CACNA2D3: variants seen among roughly 807,000 people sequenced by gnomAD.
CACNA2D3 encodes calcium voltage-gated channel auxiliary subunit alpha2delta 3, also known as voltage-dependent calcium channel subunit alpha-2/delta-3.
CACNA2D3 carries 60 observed loss-of-function variants against 160.6 expected under a neutral mutation model. The ratio of observed to expected loss-of-function variants is 0.37; its 90% CI spans 0.30 to 0.46. The LOEUF is 0.46. CACNA2D3 is among the 20% of genes least tolerant of loss of function. CACNA2D3 has a pLI of 1.00. For missense variants in CACNA2D3, 1,205 were observed against 1,365.0 expected (o/e 0.88, Z 1.85); for synonymous variants, 558 against 492.9 (o/e 1.13, Z -1.75).
intron 27 of CACNA2D3, chr3:54,924,554 A>G: frequency 1.5e-6 from 2 of 1,311,606 alleles, no homozygotes; most frequent in Non-Finnish European, 2.2e-6. Context: ...TAATGCAGAG[A>G]ACAGATGAGA....
intron 2 of CACNA2D3, among the ~76,000 whole-genome samples, chr3:54,192,991 C>G (rs1380778444): frequency 6.6e-6 from 1 of 152,188 alleles, no homozygotes; most frequent in Non-Finnish European, 1.5e-5. Flanking sequence ...GTCTTTTCCC[C>G]CATACCTGGG....
At chr3:54,938,827 T>C (rs1231325179) in intron 27 of CACNA2D3, among the ~76,000 whole-genome samples, 2 of 152,186 alleles carry the variant, frequency 1.3e-5, no homozygotes, top group African/African-American at 4.8e-5. Context: ...AGAAATATGA[T>C]TCTAGAAAAG....
intron 35 of CACNA2D3, among the ~76,000 whole-genome samples, chr3:55,055,923 C>T (rs1264386440): frequency 2.0e-5 from 3 of 151,874 alleles, no homozygotes; most frequent in Non-Finnish European, 2.9e-5. Flanking sequence ...AAAGCATAGG[C>T]AACAAAAGCA....
intron 3 of CACNA2D3, among the ~76,000 whole-genome samples, chr3:54,341,316 A>G (rs1357948687): frequency 6.6e-6 from 1 of 152,188 alleles, no homozygotes; most frequent in Admixed American, 6.5e-5. Flanking sequence ...TCATCCTGAT[A>G]GTAGAGCCTC....
chr3:54,362,909 A>G (rs79017404), intron 3 of CACNA2D3, among the ~76,000 whole-genome samples: 5,743 of 152,286 alleles, frequency 0.038, 388 homozygotes, highest in African/African-American at 0.13. Context: ...GAATATTACA[A>G]TGTGCAGCCA....
At chr3:54,692,709 A>G (rs1001045368) in intron 11 of CACNA2D3, among the ~76,000 whole-genome samples, 4 of 152,024 alleles carry the variant, frequency 2.6e-5, no homozygotes, top group Admixed American at 6.5e-5. Context: ...ACCTGTATCA[A>G]CTCACCAAAA....
intron 31 of CACNA2D3, among the ~76,000 whole-genome samples, chr3:54,991,278 A>G (rs1264331952): frequency 1.3e-5 from 2 of 148,900 alleles, no homozygotes; most frequent in Non-Finnish European, 3.0e-5. Flanking sequence ...GCTGGAGTGC[A>G]GTGGTACAAT....
chr3:54,296,512 C>G (rs9863855), intron 2 of CACNA2D3, among the ~76,000 whole-genome samples: 5 of 152,140 alleles, frequency 3.3e-5, no homozygotes, highest in Non-Finnish European at 5.9e-5. Context: ...TATTTTAAAT[C>G]ATCAAAACAG....
At chr3:54,392,737 C>A (rs1699302889) in intron 4 of CACNA2D3, among the ~76,000 whole-genome samples, 1 of 152,040 alleles carries the variant, frequency 6.6e-6, no homozygotes, top group Non-Finnish European at 1.5e-5. Context: ...CCGATACTTC[C>A]TAGAGCAGCT....
intron 2 of CACNA2D3, among the ~76,000 whole-genome samples, chr3:54,241,870 C>G (rs1701979861): frequency 6.6e-6 from 1 of 152,118 alleles, no homozygotes; most frequent in Non-Finnish European, 1.5e-5. Flanking sequence ...CTTCCTAAGC[C>G]TCAGTTTTTC....
chr3:54,809,772 C>G (rs1207859540), intron 13 of CACNA2D3, among the ~76,000 whole-genome samples: 1 of 147,264 alleles, frequency 6.8e-6, no homozygotes, highest in Non-Finnish European at 1.5e-5. Context: ...TTTTTTCTTT[C>G]TTTCCCATTT....
At chr3:54,921,748 T>C (rs970213549) in intron 27 of CACNA2D3, among the ~76,000 whole-genome samples, 7 of 152,198 alleles carry the variant, frequency 4.6e-5, no homozygotes, top group African/African-American at 1.7e-4. Context: ...AGGGGTCTTA[T>C]GTCCCTAAAT....
At chr3:54,230,576 G>A (rs192939595) in intron 2 of CACNA2D3, among the ~76,000 whole-genome samples, 6 of 152,284 alleles carry the variant, frequency 3.9e-5, no homozygotes, top group East Asian at 3.9e-4. Context: ...GATTCTAAAG[G>A]CAAACTCTGT....
intron 35 of CACNA2D3, among the ~76,000 whole-genome samples, chr3:55,050,243 G>C (rs962795725): frequency 6.6e-6 from 1 of 150,570 alleles, no homozygotes; most frequent in Admixed American, 6.6e-5. Flanking sequence ...GGCTGGTACC[G>C]GTTGTTCCTT....
At chr3:54,346,828 T>C (rs545272384) in intron 3 of CACNA2D3, among the ~76,000 whole-genome samples, 10 of 152,354 alleles carry the variant, frequency 6.6e-5, no homozygotes, top group African/African-American at 2.2e-4. Context: ...AAATCTGCTG[T>C]GCTCTTGGCA....
At chr3:54,153,968 A>G (rs920871351) in intron 2 of CACNA2D3, among the ~76,000 whole-genome samples, 4 of 152,218 alleles carry the variant, frequency 2.6e-5, no homozygotes, top group Non-Finnish European at 5.9e-5. Flanking sequence ...GAAGAATTAG[A>G]GTCTAAATAA....
chr3:54,830,266 T>C (rs1416277568), intron 14 of CACNA2D3, among the ~76,000 whole-genome samples: 1 of 151,468 alleles, frequency 6.6e-6, no homozygotes, highest in Admixed American at 6.6e-5. Context: ...TCTTAAAGAA[T>C]CAATGGTTCT....
intron 13 of CACNA2D3, among the ~76,000 whole-genome samples, chr3:54,790,854 C>G (rs1210508613): frequency 6.6e-6 from 1 of 152,114 alleles, no homozygotes; most frequent in Non-Finnish European, 1.5e-5. Flanking sequence ...AGGGCTGTCA[C>G]TATTGCTAGG....
chr3:55,053,696 T>C (rs1432237922), intron 35 of CACNA2D3, among the ~76,000 whole-genome samples: 1 of 152,004 alleles, frequency 6.6e-6, no homozygotes, highest in East Asian at 1.9e-4. Flanking sequence ...TTTGATTACA[T>C]TTCCTACAAA....
Sources: gnomAD v4.1 joint callset for allele counts (sites outside exome capture counted in the v4.1 genomes callset) on GRCh38, gnomAD v4.1.1 for gene constraint, MANE v1.5 for transcripts, NCBI Gene and HGNC (gene_info 2026-07-23, HGNC 2026-07-21) for gene names.